The following TNFAIP6 variants were observed in gnomAD, a reference collection of about 807,000 sequenced individuals.
TNFAIP6 encodes TNF alpha induced protein 6.
Under a neutral mutation model 33.7 loss-of-function variants are expected in TNFAIP6, and 36 were observed. The ratio of observed to expected loss-of-function variants is 1.07; its 90% confidence interval spans 0.82 to 1.41. The LOEUF is 1.41. TNFAIP6 is among the 40% of genes most tolerant of loss of function. The pLI is 0.00. For synonymous variants in TNFAIP6, 113 were observed against 112.8 expected (o/e 1.00, Z -0.01); for missense variants, 273 against 331.9 (o/e 0.82, Z 1.38).
rs138239098 is a variant in TNFAIP6, at chr2:151,369,639, G to A, written c.395-381G>A. Reference sequence around the variant, plus strand: ...AAAAAATAAAAATTACCAGGGCTGGGTGGCACATGCCTGTCATCCCAACTA... The same window carrying A: ...AAAAAATAAAAATTACCAGGGCTGGATGGCACATGCCTGTCATCCCAACTA... On this transcript the variant is annotated intron_variant, in intron 3 of 5. Transcript: ENST00000243347. Among the ~76,000 whole-genome samples, 17 of 152,116 alleles carry A rather than the reference G, an allele frequency of 1.1e-4. No homozygotes were observed. The East Asian group carries it at 2.3e-3, about 21-fold the overall frequency.
chr2:151,365,025 G>C (rs1684686678), intron 2 of TNFAIP6, among the ~76,000 whole-genome samples: 1 of 152,122 alleles, frequency 6.6e-6, no homozygotes, highest in Non-Finnish European at 1.5e-5. Flanking sequence ...TGTTTGAAAT[G>C]TATGAGAGAA....
At chr2:151,375,985 C>G (rs1207896211) in intron 5 of TNFAIP6, among the ~76,000 whole-genome samples, 1 of 152,096 alleles carries the variant, frequency 6.6e-6, no homozygotes, top group African/African-American at 2.4e-5. Flanking sequence ...GTGGCTCATA[C>G]CTGTAATTCT....
Position 151,364,023 on chromosome 2 carries a change from G to A in TNFAIP6, c.175G>A (p.Glu59Lys). The A allele has an allele frequency of 1.2e-6, 2 of 1,614,144 alleles. No individual in the cohort carries two copies. Among genetic ancestry groups the A allele is most frequent in the Non-Finnish European group, 1.7e-6 (2 of 1,180,022 alleles). Reference protein sequence around the residue: ...LTYAEAKAVCEFEGGHLATYK... With the variant: ...LTYAEAKAVCKFEGGHLATYK... ...CTACGCAGAAGCTAAGGCGGTGTGT[G>A]AATTTGAAGGCGGCCATCTCGCAAC... The change falls in exon 2 of 6, where the codon GAA (glutamate) becomes AAA (lysine). Residue 59 changes from glutamate (E) to lysine (K), a missense_variant. Glu to Lys is a moderately conservative substitution (Grantham distance 56). Coordinates refer to ENST00000243347, the MANE Select transcript of TNFAIP6 (RefSeq NM_007115.4).
intron 5 of TNFAIP6, among the ~76,000 whole-genome samples, chr2:151,379,087 G>A (rs1684971258): frequency 6.6e-6 from 1 of 152,100 alleles, no homozygotes; most frequent in Non-Finnish European, 1.5e-5. Flanking sequence ...GCAACAGAGT[G>A]AGTGAGACTC....
intron 5 of TNFAIP6, among the ~76,000 whole-genome samples, chr2:151,374,130 A>G (rs1224517718): frequency 6.6e-6 from 1 of 152,206 alleles, no homozygotes; most frequent in African/African-American, 2.4e-5. Context: ...AATATCAAAC[A>G]GGTTTCTTCA....
Position 151,367,747 on chromosome 2 carries a change from C to T in TNFAIP6, c.394+1530C>T, listed in dbSNP as rs3771894. Among the ~76,000 whole-genome samples, 494 of 151,994 alleles carry T rather than the reference C, an allele frequency of 3.3e-3. 11 individuals carry two copies. In the East Asian group the frequency reaches 0.06, roughly 18 times the overall value. ...TACCCAATTCTCAGTGCATTTAGCT[C>T]GCTTTTGGATTTGGTGGTATGCTGA... On this transcript the variant is annotated intron_variant, in intron 3 of 5. Transcript: ENST00000243347.
intron 5 of TNFAIP6, among the ~76,000 whole-genome samples, chr2:151,374,323 T>C (rs1311642779): frequency 6.6e-6 from 1 of 152,170 alleles, no homozygotes; most frequent in Non-Finnish European, 1.5e-5. Flanking sequence ...ATATGCAATA[T>C]CACTCTTTAA....
intron 4 of TNFAIP6, among the ~76,000 whole-genome samples, chr2:151,371,694 C>T (rs777742921): frequency 2.0e-4 from 31 of 151,754 alleles, no homozygotes; most frequent in Non-Finnish European, 7.4e-5. Flanking sequence ...TCCCATGTTC[C>T]AGCAATTCTC....
intron 1 of TNFAIP6, among the ~76,000 whole-genome samples, chr2:151,361,770 C>T (rs563463501): frequency 8.5e-5 from 13 of 152,322 alleles, no homozygotes; most frequent in Admixed American, 3.3e-4. Flanking sequence ...TTTAATGAGG[C>T]TTTGCCGTAT....
Position 151,364,653 on chromosome 2 carries a change from A to G in TNFAIP6, c.232+573A>G, listed in dbSNP as rs1684682223. 2.0e-5 allele frequency among the ~76,000 whole-genome samples: 3 copies of G among 152,230 alleles called. No individual in the cohort carries two copies. The South Asian group carries it at 6.2e-4, about 31-fold the overall frequency. ...TATCAGAAGACCTGGTGAAAATCCC[A>G]GCAATCAACTGGTGTTACATGCTTC... On this transcript the variant is annotated intron_variant, in intron 2 of 5. Coordinates refer to ENST00000243347, the MANE Select transcript of TNFAIP6 (RefSeq NM_007115.4).
At chr2:151,359,524 G>C (rs1166997307) in intron 1 of TNFAIP6, among the ~76,000 whole-genome samples, 1 of 151,922 alleles carries the variant, frequency 6.6e-6, no homozygotes, top group Non-Finnish European at 1.5e-5. Flanking sequence ...AAGTAGCTGG[G>C]ACTACAGGCA....
At chr2:151,379,130 C>A (rs1460228896) in intron 5 of TNFAIP6, among the ~76,000 whole-genome samples, 1 of 151,946 alleles carries the variant, frequency 6.6e-6, no homozygotes, top group Non-Finnish European at 1.5e-5. Context: ...ATACAATAGA[C>A]AAAATTTCCT....
intron 1 of TNFAIP6, among the ~76,000 whole-genome samples, chr2:151,362,825 C>T (rs904300621): frequency 6.6e-6 from 1 of 152,072 alleles, no homozygotes; most frequent in Non-Finnish European, 1.5e-5. Flanking sequence ...TCATTGCCCT[C>T]AATTGGATAT....
At position 151,379,671 on chromosome 2, in the gene TNFAIP6, G is replaced by A; in HGVS notation, c.*138G>A. The A allele has an allele frequency of 1.6e-6, 1 of 611,558 alleles. No individual in the cohort carries two copies. Among genetic ancestry groups the A allele is most frequent in the African/African-American group, 1.9e-5 (1 of 51,944 alleles). The allele number at this position is 611,558 out of a possible 1,614,324, so 37.9% of individuals were successfully genotyped here. ...GCAATACATAATTTAGGGAAAATTG[G>A]AAAATATAGGAAACTTTAAACGAGA... On this transcript the variant is annotated 3_prime_UTR_variant, in exon 6 of 6. Transcript: ENST00000243347.
chr2:151,372,270 A>G (rs1025545904), intron 4 of TNFAIP6: 1 of 152,228 alleles, frequency 6.6e-6, no homozygotes, highest in African/African-American at 2.4e-5. Context: ...TGGGCAATAC[A>G]GCAACATCCT....
chr2:151,376,960 T>C (rs1020087339), intron 5 of TNFAIP6, among the ~76,000 whole-genome samples: 11 of 140,150 alleles, frequency 7.8e-5, no homozygotes, highest in Admixed American at 3.8e-4. Flanking sequence ...CACTACAGCC[T>C]CAAACTCCTA....
At chr2:151,374,905 C>G (rs544744424) in intron 5 of TNFAIP6, among the ~76,000 whole-genome samples, 9 of 152,112 alleles carry the variant, frequency 5.9e-5, no homozygotes, top group African/African-American at 2.2e-4. Flanking sequence ...GCAGGCCGAT[C>G]ACCTGAGGTC....
intron 1 of TNFAIP6, among the ~76,000 whole-genome samples, chr2:151,361,793 G>A (rs867738487): frequency 6.6e-6 from 1 of 152,150 alleles, no homozygotes; most frequent in Non-Finnish European, 1.5e-5. Flanking sequence ...AGGACACTGG[G>A]CAGCAGGCAT....
At chr2:151,359,419 C>T (rs1437802185) in intron 1 of TNFAIP6, among the ~76,000 whole-genome samples, 18 of 141,334 alleles carry the variant, frequency 1.3e-4, no homozygotes, top group African/African-American at 2.4e-4. Context: ...GGCAGAGTCT[C>T]GCTCTGTTGC....
Sources: allele counts gnomAD v4.1 joint callset (sites outside exome capture counted in the v4.1 genomes callset), GRCh38; gene constraint gnomAD v4.1.1; transcripts MANE v1.5; gene names NCBI Gene and HGNC (gene_info 2026-07-23, HGNC 2026-07-21).